MAD1L1: variants seen among roughly 807,000 people sequenced by gnomAD.
MAD1L1 encodes mitotic spindle assembly checkpoint protein MAD1.
In MAD1L1, 95 loss-of-function variants were observed where a neutral mutation model predicts 96.9. The observed-to-expected ratio is 0.98, with a 90% confidence interval of 0.83 to 1.16. MAD1L1 has a LOEUF of 1.16. Among genes scored for constraint, MAD1L1 ranks in the 50% most tolerant of loss-of-function variants. The probability of loss-of-function intolerance (pLI) is 0.00; values close to 1 mark genes in which losing one functional copy is unlikely to be tolerated. For synonymous variants in MAD1L1, 473 were observed against 396.6 expected (o/e 1.19, Z -2.29); for missense variants, 1,007 against 954.4 (o/e 1.06, Z -0.73).
At chr7:1,988,152 G>C (rs1781245084) in intron 14 of MAD1L1, among the ~76,000 whole-genome samples, 1 of 152,252 alleles carries the variant, frequency 6.6e-6, no homozygotes, top group African/African-American at 2.4e-5. Context: ...GGGTGGGAAG[G>C]TGGGATCCAG....
At chr7:1,824,558 T>C (rs1782291382) in intron 18 of MAD1L1, among the ~76,000 whole-genome samples, 1 of 152,114 alleles carries the variant, frequency 6.6e-6, no homozygotes, top group South Asian at 2.1e-4. Context: ...CTCCCGGCCT[T>C]GTCCCCACCT....
Position 2,069,228 on chromosome 7 carries a change from C to T in MAD1L1, c.1184G>A (p.Arg395Gln), listed in dbSNP as rs778781585. Residue 395 changes from arginine to glutamine, a missense_variant, in exon 12 of 19, where the codon CGG becomes CAG. Transcript: ENST00000265854. ...CAGCAGGACCCGTTTCTGGAGCCTC[C>T]GGGCCAGCGCCTCGTGGGTCTCGCG... ...KKRETHEALA[R>Q]RLQKRVLLLT... 13 of 1,608,700 alleles carry T rather than the reference C, an allele frequency of 8.1e-6. No individual in the cohort carries two copies. Among genetic ancestry groups the T allele is most frequent in the Admixed American group, 1.7e-5 (1 of 59,568 alleles).
chr7:2,009,926 GC>G (rs1005425563), intron 13 of MAD1L1, among the ~76,000 whole-genome samples: 5 of 152,062 alleles, frequency 3.3e-5, no homozygotes, highest in African/African-American at 9.7e-5. Context: ...CTGCACAGAC[GC>G]CCCGTTCTGG....
At chr7:1,987,992 C>G (rs1219378856) in intron 14 of MAD1L1, among the ~76,000 whole-genome samples, 3 of 152,166 alleles carry the variant, frequency 2.0e-5, no homozygotes, top group Admixed American at 6.5e-5. Context: ...CAGGCAGGCC[C>G]CTAGGAGGCA....
intron 11 of MAD1L1, among the ~76,000 whole-genome samples, chr7:2,070,539 G>A (rs1785074821): frequency 1.3e-5 from 2 of 152,370 alleles, no homozygotes; most frequent in South Asian, 2.1e-4. Context: ...CCACACCGGG[G>A]AGGGTGCGAG....
chr7:2,067,618 GCCC>G (rs1223117563), intron 12 of MAD1L1, among the ~76,000 whole-genome samples: 29 of 152,286 alleles, frequency 1.9e-4, no homozygotes, highest in African/African-American at 7.0e-4. Context: ...GCAGTGGTCA[GCCC>G]GAACCACCGC....
intron 10 of MAD1L1, among the ~76,000 whole-genome samples, chr7:2,189,416 TAAG>T (rs1791613574): frequency 6.6e-6 from 1 of 152,204 alleles, no homozygotes; most frequent in Admixed American, 6.5e-5. Flanking sequence ...GGTGACTGGA[TAAG>T]AAGAACGGAT....
In MAD1L1 at chr7:2,219,586, G is replaced by A. The variant is rs1793480345; in HGVS notation, c.472-130C>T. The A allele has an allele frequency of 2.4e-5, 22 of 935,164 alleles. No homozygotes were observed. In the South Asian group the frequency reaches 3.7e-4, roughly 16 times the overall value. The allele number at this position is 935,164 out of a possible 1,614,324, so 57.9% of individuals were successfully genotyped here. ...GCTATAATCAGGGCAGGAGGCAGAGGGGCAGAGGAATAAGGGGGCAGAGGG... is the reference window on the plus strand; with the variant it reads ...GCTATAATCAGGGCAGGAGGCAGAGAGGCAGAGGAATAAGGGGGCAGAGGG... On this transcript the variant is annotated intron_variant, in intron 5 of 18. Coordinates refer to ENST00000265854, the MANE Select transcript of MAD1L1 (RefSeq NM_001013836.2).
At chr7:2,117,906 T>C (rs1787792623) in intron 11 of MAD1L1, among the ~76,000 whole-genome samples, 1 of 152,140 alleles carries the variant, frequency 6.6e-6, no homozygotes, top group South Asian at 2.1e-4. Flanking sequence ...AGCAACTCAC[T>C]TGTATCCACA....
intron 12 of MAD1L1, among the ~76,000 whole-genome samples, chr7:2,047,426 C>T (rs117039821): frequency 1.0e-3 from 159 of 152,318 alleles, no homozygotes; most frequent in Non-Finnish European, 2.0e-3. Flanking sequence ...AGAATATTAA[C>T]TCCATTCTAC....
intron 18 of MAD1L1, among the ~76,000 whole-genome samples, chr7:1,886,492 A>C (rs912996747): frequency 1.3e-5 from 2 of 152,184 alleles, no homozygotes; most frequent in African/African-American, 4.8e-5. Flanking sequence ...ACACCTCTGC[A>C]TGGGCTCGGT....
Position 2,180,807 on chromosome 7 carries a change from A to G in MAD1L1, c.987-31569T>C, listed in dbSNP as rs369474606. Among the ~76,000 whole-genome samples the G allele has an allele frequency of 5.9e-5, 9 of 152,250 alleles. 1 individual carries two copies. The highest frequency in any genetic ancestry group is 2.2e-4 in the African/African-American group (9 of 41,558). On this transcript the variant is annotated intron_variant, in intron 10 of 18. Transcript: ENST00000265854. The stretch of plus-strand genomic sequence containing the variant: ...TAATTTTGTAAATGTGTATTCTTTC[A>G]GTTTTTTAATGTATAAAATCATGTC...
intron 14 of MAD1L1, among the ~76,000 whole-genome samples, chr7:1,985,794 C>T (rs1187701223): frequency 1.2e-3 from 2 of 1,736 alleles, no homozygotes; most frequent in African/African-American, 2.3e-3. Context: ...GTACTGCCCC[C>T]TACTGCCCCC....
Position 2,014,626 on chromosome 7 carries a change from C to T in MAD1L1, c.1235G>A (p.Arg412Gln), listed in dbSNP as rs371796897. The T allele has an allele frequency of 2.5e-5, 41 of 1,611,412 alleles. No individual in the cohort carries two copies. Among genetic ancestry groups the T allele is most frequent in the East Asian group, 4.5e-5 (2 of 44,848 alleles). The change falls in exon 13 of 19, where the codon CGG becomes CAG. Residue 412 changes from arginine (R) to glutamine (Q), a missense_variant. Arg to Gln is a conservative substitution (Grantham distance 43). Transcript: ENST00000265854. ...GCTGTCGTAGGACCCCAGGATGGCCCGCATACCGTCCCGCTCCTGTGGACA... is the reference window on the plus strand; with the variant it reads ...GCTGTCGTAGGACCCCAGGATGGCCTGCATACCGTCCCGCTCCTGTGGACA... ...LLLTKERDGM[R>Q]AILGSYDSEL...
intron 14 of MAD1L1, among the ~76,000 whole-genome samples, chr7:1,986,361 CCA>C (rs1781141793): frequency 6.6e-6 from 1 of 151,764 alleles, no homozygotes; most frequent in Non-Finnish European, 1.5e-5. Context: ...ACACGCCAGT[CCA>C]GCTTGGAACC....
chr7:2,010,256 G>A (rs555247543), intron 13 of MAD1L1, among the ~76,000 whole-genome samples: 1 of 151,872 alleles, frequency 6.6e-6, no homozygotes, highest in South Asian at 2.1e-4. Flanking sequence ...GCAGCCAAGT[G>A]ACAGCACCCG....
At chr7:1,940,754 C>T (rs376050881) in intron 16 of MAD1L1, among the ~76,000 whole-genome samples, 14 of 152,354 alleles carry the variant, frequency 9.2e-5, no homozygotes, top group African/African-American at 3.4e-4. Context: ...TTCAGATAAC[C>T]CGCGTGTGTC....
intron 10 of MAD1L1, among the ~76,000 whole-genome samples, chr7:2,196,929 C>G (rs1792020652): frequency 6.6e-6 from 1 of 152,248 alleles, no homozygotes; most frequent in South Asian, 2.1e-4. Flanking sequence ...GCGGGTCAGA[C>G]AGCCCCAGGG....
intron 18 of MAD1L1, among the ~76,000 whole-genome samples, chr7:1,859,189 C>T (rs1784401133): frequency 6.6e-6 from 1 of 152,220 alleles, no homozygotes; most frequent in South Asian, 2.1e-4. Context: ...CTTCCCCAGC[C>T]TGCCTCCCCC....
Sources: allele counts gnomAD v4.1 joint callset (sites outside exome capture counted in the v4.1 genomes callset), GRCh38; gene constraint gnomAD v4.1.1; transcripts MANE v1.5; gene names NCBI Gene and HGNC (gene_info 2026-07-23, HGNC 2026-07-21).